The following TRHDE variants were observed in gnomAD, a reference collection of about 807,000 sequenced individuals.
TRHDE encodes the protein thyrotropin releasing hormone degrading enzyme.
TRHDE carries 72 observed loss-of-function variants against 125.7 expected under a neutral mutation model. The observed-to-expected ratio is 0.57, with a 90% CI of 0.47 to 0.70. The LOEUF (loss-of-function observed/expected upper bound fraction) is 0.70. Ranked by LOEUF, TRHDE falls within the 30% of genes least tolerant of loss-of-function variation. TRHDE has a pLI of 0.00. For synonymous variants in TRHDE, 509 were observed against 509.1 expected (o/e 1.00, Z 0.00); for missense variants, 1,110 against 1,327.1 (o/e 0.84, Z 2.54).
chr12:72,252,693 T>A (rs901014338), intron 2 of TRHDE, among the ~76,000 whole-genome samples: 1 of 152,118 alleles, frequency 6.6e-6, no homozygotes, highest in Admixed American at 6.6e-5. Flanking sequence ...TGAATTTTGA[T>A]AATTGTCTTA....
intron 5 of TRHDE, among the ~76,000 whole-genome samples, chr12:72,486,780 G>C (rs1877428380): frequency 6.6e-6 from 1 of 152,020 alleles, no homozygotes; most frequent in South Asian, 2.1e-4. Flanking sequence ...TCTATCAAAG[G>C]ACATAATAAT....
intron 2 of TRHDE, among the ~76,000 whole-genome samples, chr12:72,361,576 T>A (rs1190240435): frequency 6.6e-6 from 1 of 151,536 alleles, no homozygotes; most frequent in Non-Finnish European, 1.5e-5. Context: ...TTTATTATTA[T>A]TATACTTTAA....
rs182845372 is a variant in TRHDE at position 72,304,174 on chromosome 12, T to C, written c.1188+17220T>C. Among the ~76,000 whole-genome samples, 85 of 152,322 alleles carry C rather than the reference T, an allele frequency of 5.6e-4. 3 individuals are homozygous for C. Among genetic ancestry groups the C allele is most frequent in the Admixed American group, 4.8e-3 (73 of 15,302 alleles). Reference sequence around the variant, plus strand: ...TAATTTCCTCAAGTAATCTATTAGTTACAGGTTTTAGAGTCTTTAGATTTA... The same window carrying C: ...TAATTTCCTCAAGTAATCTATTAGTCACAGGTTTTAGAGTCTTTAGATTTA... On this transcript the variant is annotated intron_variant, in intron 2 of 18. Transcript: ENST00000261180.
chr12:72,106,230 C>T (rs1054183654), intron 2 of TRHDE, among the ~76,000 whole-genome samples: 1 of 151,954 alleles, frequency 6.6e-6, no homozygotes, highest in Non-Finnish European at 1.5e-5. Context: ...TGAAACTAAC[C>T]ATATTCAGAT....
At chr12:72,450,528 A>G (rs1057485014) in intron 3 of TRHDE, among the ~76,000 whole-genome samples, 1 of 152,106 alleles carries the variant, frequency 6.6e-6, no homozygotes, top group Non-Finnish European at 1.5e-5. Flanking sequence ...CCTACCTCAC[A>G]TACTTATTAC....
chr12:72,459,377 T>C (rs1001752580), intron 3 of TRHDE, among the ~76,000 whole-genome samples: 2 of 152,188 alleles, frequency 1.3e-5, no homozygotes, highest in African/African-American at 4.8e-5. Flanking sequence ...GGACATCTTT[T>C]ATCCACAATA....
At chr12:72,097,303 A>C (rs140616843) in intron 1 of TRHDE, among the ~76,000 whole-genome samples, 2,471 of 152,278 alleles carry the variant, frequency 0.016, 34 homozygotes, top group Middle Eastern at 0.037. Context: ...CAGGAGATAG[A>C]GAAAGAGCAC....
chr12:72,629,765 T>C (rs985645568), intron 15 of TRHDE, among the ~76,000 whole-genome samples: 1 of 151,626 alleles, frequency 6.6e-6, no homozygotes, highest in Admixed American at 6.6e-5. Context: ...GAGATTTCCT[T>C]CACATTTTCC....
In TRHDE at chr12:72,097,440, A is replaced by ATTTTT. The variant is rs869290442; in HGVS notation, n.175-8185_175-8181dup. Among the ~76,000 whole-genome samples, 14 of 21,652 alleles carry ATTTTT rather than the reference A, an allele frequency of 6.5e-4. 1 individual carries two copies. The South Asian group carries it at 0.011, about 17-fold the overall frequency. 14.2% of individuals were successfully genotyped at this position (21,652 alleles called of 152,430 possible). On this transcript the variant is annotated intron_variant and non_coding_transcript_variant, in intron 1 of 4. Coordinates refer to the TRHDE transcript ENST00000548156. ...CCTTGCAGTAGCATTTTCTCACTGAATTTTTTTTTTTTTTTTTTTTTTTTT... is the reference window on the plus strand; with the variant it reads ...CCTTGCAGTAGCATTTTCTCACTGAATTTTTTTTTTTTTTTTTTTTTTTTTTTTTT...
intron 3 of TRHDE, among the ~76,000 whole-genome samples, chr12:72,460,744 C>T (rs1876090572): frequency 6.6e-6 from 1 of 152,026 alleles, no homozygotes; most frequent in Admixed American, 6.6e-5. Flanking sequence ...GTGTTCATAC[C>T]TAGTCATGTT....
At chr12:72,565,964 A>G (rs1870422463) in intron 9 of TRHDE, among the ~76,000 whole-genome samples, 1 of 152,072 alleles carries the variant, frequency 6.6e-6, no homozygotes, top group African/African-American at 2.4e-5. Context: ...TTTTTCTAAT[A>G]TCTTTTTAAA....
In TRHDE at chr12:72,117,122, G is replaced by A. The variant is rs139621711; in HGVS notation, n.279+11370G>A. On this transcript the variant is annotated intron_variant and non_coding_transcript_variant, in intron 2 of 4. Transcript: ENST00000548156. ...ATCCCATTTTTCCATTTTTTCATTG[G>A]TTGCCTGTGCTTGTAAAGAAGTCTT... 8.1e-4 allele frequency among the ~76,000 whole-genome samples: 123 copies of A among 151,940 alleles called. 2 individuals are homozygous for A. In the East Asian group the frequency reaches 0.011, roughly 14 times the overall value.
At chr12:72,640,276 G>A (rs568372993) in intron 15 of TRHDE, among the ~76,000 whole-genome samples, 29 of 152,186 alleles carry the variant, frequency 1.9e-4, no homozygotes, top group African/African-American at 4.3e-4. Flanking sequence ...TCCAGGTGCC[G>A]TCTGTCACCC....
intron 15 of TRHDE, among the ~76,000 whole-genome samples, chr12:72,646,010 A>G (rs1165399247): frequency 6.6e-6 from 1 of 152,134 alleles, no homozygotes; most frequent in Non-Finnish European, 1.5e-5. Flanking sequence ...CTAAACAGCA[A>G]CAAAATAGCA....
intron 6 of TRHDE, among the ~76,000 whole-genome samples, chr12:72,523,556 TC>T (rs1868284095): frequency 6.6e-6 from 1 of 152,208 alleles, no homozygotes; most frequent in Admixed American, 6.5e-5. Context: ...GGTCGTGCTT[TC>T]CAAAATGTAA....
At chr12:72,088,139 G>A (rs377261571) in intron 1 of TRHDE, among the ~76,000 whole-genome samples, 3 of 152,150 alleles carry the variant, frequency 2.0e-5, no homozygotes, top group African/African-American at 7.2e-5. Context: ...TGCTTAGGCT[G>A]AGTAAGTCCC....
At chr12:72,298,095 C>T (rs889691142) in intron 2 of TRHDE, among the ~76,000 whole-genome samples, 3 of 152,014 alleles carry the variant, frequency 2.0e-5, no homozygotes, top group Admixed American at 2.0e-4. Flanking sequence ...TATCAACTGC[C>T]CTGAGGTTTA....
chr12:72,622,465 T>G (rs7489055), intron 15 of TRHDE, among the ~76,000 whole-genome samples: 2,575 of 152,184 alleles, frequency 0.017, 69 homozygotes, highest in African/African-American at 0.059. Context: ...CATTTCTTTT[T>G]ACACTTTGGA....
intron 2 of TRHDE, among the ~76,000 whole-genome samples, chr12:72,106,004 T>C (rs938904235): frequency 3.9e-5 from 6 of 152,108 alleles, no homozygotes; most frequent in Admixed American, 3.9e-4. Context: ...ATGTTAGTGT[T>C]TTTGCCTTGC....
Sources: allele counts gnomAD v4.1 joint callset (sites outside exome capture counted in the v4.1 genomes callset), GRCh38; gene constraint gnomAD v4.1.1; transcripts MANE v1.5; gene names NCBI Gene and HGNC (gene_info 2026-07-23, HGNC 2026-07-21).